RAP1GAP2: variants seen among roughly 807,000 people sequenced by gnomAD.
RAP1GAP2 encodes the protein rap1 GTPase-activating protein 2.
RAP1GAP2 carries 27 observed loss-of-function variants against 95.0 expected under a neutral mutation model. The observed-to-expected ratio is 0.28, with a 90% CI of 0.21 to 0.39. The LOEUF (loss-of-function observed/expected upper bound fraction) is 0.39, where lower values mean the gene tolerates loss of function less well. RAP1GAP2 is among the 10% of genes least tolerant of loss of function. The pLI is 1.00. For synonymous variants in RAP1GAP2, 373 were observed against 380.9 expected (o/e 0.98, Z 0.24); for missense variants, 771 against 970.0 (o/e 0.79, Z 2.72).
rs79067495 is a variant in RAP1GAP2, at chr17:2,872,985, C to T, written c.81-32299C>T. On this transcript the variant is annotated intron_variant, in intron 2 of 24. Transcript: ENST00000254695. ...GGGTGCGGTGGTGGGTGTCTGTAAT[C>T]CCAGCTGCTTGGGAGGCTGAGGCAT... Among the ~76,000 whole-genome samples the T allele has an allele frequency of 9.3e-3, 1,412 of 151,970 alleles. 19 individuals are homozygous for T. Among genetic ancestry groups the T allele is most frequent in the African/African-American group, 0.032 (1,338 of 41,456 alleles).
intron 2 of RAP1GAP2, among the ~76,000 whole-genome samples, chr17:2,891,358 C>T (rs1405275269): frequency 6.6e-6 from 1 of 152,020 alleles, no homozygotes; most frequent in Non-Finnish European, 1.5e-5. Context: ...CCAAACTGGT[C>T]TCAAACTCCT....
chr17:2,900,564 C>G (rs1461865439), intron 2 of RAP1GAP2, among the ~76,000 whole-genome samples: 1 of 152,064 alleles, frequency 6.6e-6, no homozygotes, highest in Non-Finnish European at 1.5e-5. Flanking sequence ...GCCTCAGCCT[C>G]TCAAGTAGCT....
At chr17:2,771,480 TTTTTTG>T (rs1465258748) in intron 2 of RAP1GAP2, among the ~76,000 whole-genome samples, 2 of 134,960 alleles carry the variant, frequency 1.5e-5, no homozygotes, top group Non-Finnish European at 1.6e-5. Flanking sequence ...TCAAAGCCAC[TTTTTTG>T]TTTTTTTTTT....
chr17:2,984,732 A>ATGGGAGTGGAATGAGTGATACAGAGGTT (rs1468150626), intron 10 of RAP1GAP2, among the ~76,000 whole-genome samples: 1 of 152,162 alleles, frequency 6.6e-6, no homozygotes. Context: ...GCACATCTGG[A>ATGGGAGTGGAATGAGTGATACAGAGGTT]TGGGAGTGGA....
chr17:2,886,660 GC>G (rs2073515741), intron 2 of RAP1GAP2, among the ~76,000 whole-genome samples: 1 of 152,164 alleles, frequency 6.6e-6, no homozygotes. Flanking sequence ...TTCCCACGCA[GC>G]TTTGCTTGTG....
In RAP1GAP2 at chr17:2,903,694, G is replaced by A. The variant is rs2042099120; in HGVS notation, c.81-1590G>A. On this transcript the variant is annotated intron_variant, in intron 2 of 24. Coordinates refer to ENST00000254695, the MANE Select transcript of RAP1GAP2 (RefSeq NM_015085.5). The surrounding 1 kb of genome is among the most constrained non-coding windows in gnomAD (Gnocchi z 4.1). ...CAGGTTCAGGTTAATGGGGTGGAAT[G>A]GATTCTCTGCCAAGCCAGGTAGTCC... Among the ~76,000 whole-genome samples, 1 of 152,358 alleles carries A rather than the reference G, an allele frequency of 6.6e-6. No homozygotes were observed. Among genetic ancestry groups the A allele is most frequent in the African/African-American group, 2.4e-5 (1 of 41,586 alleles).
At chr17:2,988,120 G>A (rs1356013923) in intron 11 of RAP1GAP2, among the ~76,000 whole-genome samples, 1 of 151,746 alleles carries the variant, frequency 6.6e-6, no homozygotes, top group Non-Finnish European at 1.5e-5. Flanking sequence ...TAAGGCAGGA[G>A]AATCACTTGA....
chr17:2,984,932 G>C, intron 10 of RAP1GAP2, 51 bp from the exon 11 acceptor site: 1 of 1,601,308 alleles, frequency 6.2e-7, no homozygotes, highest in Non-Finnish European at 8.5e-7. Flanking sequence ...TTCCTCACTT[G>C]CTTCCAAATT....
intron 2 of RAP1GAP2, among the ~76,000 whole-genome samples, chr17:2,808,045 C>A (rs1029958966): frequency 1.3e-5 from 2 of 152,168 alleles, no homozygotes; most frequent in African/African-American, 4.8e-5. Flanking sequence ...GGGGATCCAA[C>A]CTGTGAGATG....
chr17:2,991,369 G>C lies in RAP1GAP2; in HGVS notation c.886G>C (p.Asp296His), dbSNP rs1303597525. ...TAAGGAGTTCTTGGACCTGCTGGGG[G>C]ACACGATCACACTGCAGGATTTCAA... ...AFKEFLDLLGDTITLQDFKGF... is the reference protein window; with the variant it reads ...AFKEFLDLLGHTITLQDFKGF... The change falls in exon 12 of 25, where the codon GAC becomes CAC. Residue 296 changes from aspartate (D) to histidine (H), a missense_variant. Transcript: ENST00000254695. 3.1e-6 allele frequency: 5 copies of C among 1,604,094 alleles called. No homozygotes were observed. Among genetic ancestry groups the C allele is most frequent in the East Asian group, 2.2e-5 (1 of 44,688 alleles).
intron 11 of RAP1GAP2, among the ~76,000 whole-genome samples, chr17:2,988,780 G>T (rs934930586): frequency 6.6e-6 from 1 of 152,156 alleles, no homozygotes. Flanking sequence ...AGAAACTGCC[G>T]GCCGGGCGCA....
chr17:2,761,900 A>C (rs560772074), intron 1 of RAP1GAP2, among the ~76,000 whole-genome samples: 37 of 148,228 alleles, frequency 2.5e-4, no homozygotes, highest in African/African-American at 9.0e-4. Context: ...ATGGTGTCTC[A>C]TTGTGGTTTT....
intron 17 of RAP1GAP2, among the ~76,000 whole-genome samples, chr17:3,017,409 C>G (rs2046805212): frequency 6.6e-6 from 1 of 151,988 alleles, no homozygotes; most frequent in Non-Finnish European, 1.5e-5. Flanking sequence ...AAAGGCGGAT[C>G]TGAAGCCCCT....
chr17:2,846,937 T>G (rs2071613797), intron 2 of RAP1GAP2, among the ~76,000 whole-genome samples: 1 of 143,270 alleles, frequency 7.0e-6, no homozygotes, highest in South Asian at 2.1e-4. Context: ...CAATAGTAGT[T>G]GATAATAATG....
intron 8 of RAP1GAP2, among the ~76,000 whole-genome samples, chr17:2,970,622 T>C (rs369663197): frequency 2.0e-5 from 3 of 152,358 alleles, no homozygotes; most frequent in South Asian, 2.1e-4. Flanking sequence ...TTTAAATTTA[T>C]AATCTTAATA....
intron 3 of RAP1GAP2, among the ~76,000 whole-genome samples, chr17:2,930,689 G>T (rs1005884122): frequency 2.0e-5 from 3 of 152,206 alleles, no homozygotes; most frequent in South Asian, 2.1e-4. Context: ...GGTCTCTAAC[G>T]TGTCCTCCTT....
At chr17:2,874,373 AGGTCTG>A (rs2072993521) in intron 2 of RAP1GAP2, among the ~76,000 whole-genome samples, 1 of 152,138 alleles carries the variant, frequency 6.6e-6, no homozygotes, top group Admixed American at 6.6e-5. Context: ...ATCTAGGGTA[AGGTCTG>A]GGTCTTTTCC....
At chr17:3,022,918 G>A (rs924715715) in intron 19 of RAP1GAP2, among the ~76,000 whole-genome samples, 4 of 152,232 alleles carry the variant, frequency 2.6e-5, no homozygotes, top group Admixed American at 1.3e-4. Context: ...TGGTGAGAGA[G>A]AAGGGTCTGG....
At chr17:2,939,899 T>A (rs1430604668) in intron 3 of RAP1GAP2, among the ~76,000 whole-genome samples, 1 of 152,240 alleles carries the variant, frequency 6.6e-6, no homozygotes, top group East Asian at 1.9e-4. Context: ...CAGCGTGGAC[T>A]AACAGCTTCG....
Sources: gnomAD v4.1 joint callset for allele counts (sites outside exome capture counted in the v4.1 genomes callset) on GRCh38, gnomAD v4.1.1 for gene constraint, Gnocchi (gnomAD v3.1) non-coding constraint, MANE v1.5 for transcripts, NCBI Gene and HGNC (gene_info 2026-07-23, HGNC 2026-07-21) for gene names.